SLC6A7: variants seen among roughly 807,000 people sequenced by gnomAD.
The protein encoded by SLC6A7 is solute carrier family 6 member 7.
A neutral mutation model predicts 73.1 loss-of-function variants in SLC6A7; 58 were observed. The ratio of observed to expected loss-of-function variants is 0.79; its 90% CI spans 0.64 to 0.99. The LOEUF is 0.99. SLC6A7 is among the 50% of genes least tolerant of loss of function. SLC6A7 has a pLI of 0.00. For missense variants in SLC6A7, 783 were observed against 831.4 expected, an observed-to-expected ratio of 0.94 and a Z score of 0.72; for synonymous variants, 338 against 338.7, an observed-to-expected ratio of 1.00 and a Z score of 0.02.
Position 150,194,748 on chromosome 5 carries a change from G to A in SLC6A7, c.54G>A (p.Leu18=). The A allele has an allele frequency of 6.2e-7, 1 of 1,613,982 alleles. No homozygotes were observed. The highest frequency in any genetic ancestry group is 8.5e-7 in the Non-Finnish European group (1 of 1,179,966). The change falls in exon 2 of 14, where the codon CTG becomes CTA. Residue 18 remains leucine, a synonymous_variant. Coordinates refer to ENST00000230671, the MANE Select transcript of SLC6A7 (RefSeq NM_014228.5). ...GGCAGCCTGTCACCCCAGACCTGCT[G>A]ATGACCCCCAGTGACCAGGGCGATG... ...HLRKPVTPDL[L]MTPSDQGDVD...
intron 5 of SLC6A7, among the ~76,000 whole-genome samples, chr5:150,200,822 G>A (rs1753340433): frequency 6.6e-6 from 1 of 152,210 alleles, no homozygotes; most frequent in South Asian, 2.1e-4. Flanking sequence ...CAGGGGCAGG[G>A]AGTGGACACG....
chr5:150,203,102 G>T (rs1192761868), intron 8 of SLC6A7, among the ~76,000 whole-genome samples: 1 of 151,750 alleles, frequency 6.6e-6, no homozygotes, highest in African/African-American at 2.4e-5. Context: ...TTGTGGATGG[G>T]TATGTCATGT....
intron 8 of SLC6A7, among the ~76,000 whole-genome samples, chr5:150,202,955 AT>A (rs1388045782): frequency 2.0e-5 from 3 of 152,064 alleles, no homozygotes; most frequent in Non-Finnish European, 4.4e-5. Context: ...CATGCCTGTA[AT>A]CCCAGTACTC....
chr5:150,194,674 T>A (rs1752932402), intron 1 of SLC6A7, 54 bp from the exon 2 acceptor site: 3 of 1,385,214 alleles, frequency 2.2e-6, no homozygotes, highest in African/African-American at 1.4e-5. Context: ...GAGGTCACAT[T>A]TCTGGCCTGG....
chr5:150,210,672 G>C lies in SLC6A7; in HGVS notation c.*1057G>C, dbSNP rs758958310. Reference sequence around the variant, plus strand: ...CTCTCTTCCCATCTCCCTTGTCCTGGTGGCCTTCAGTGTCTCTTCCAGTTC... The same window carrying C: ...CTCTCTTCCCATCTCCCTTGTCCTGCTGGCCTTCAGTGTCTCTTCCAGTTC... On this transcript the variant is annotated 3_prime_UTR_variant, in exon 14 of 14. Coordinates refer to ENST00000230671, the MANE Select transcript of SLC6A7 (RefSeq NM_014228.5). The C allele has an allele frequency of 6.6e-6, 1 of 152,408 alleles. No homozygotes were observed. Among genetic ancestry groups the C allele is most frequent in the South Asian group, 2.1e-4 (1 of 4,834 alleles). 9.4% of individuals were successfully genotyped at this position (152,408 alleles called of 1,614,324 possible).
intron 4 of SLC6A7, among the ~76,000 whole-genome samples, chr5:150,198,105 AAGAAAGAAAGAG>A (rs755538215): frequency 0.011 from 1,122 of 103,302 alleles, 36 homozygotes; most frequent in African/African-American, 0.036. Context: ...GAAAGAAAGA[AAGAAAGAAAGAG>A]AAAGAAAGAA....
At position 150,209,840 on chromosome 5, in the gene SLC6A7, T is replaced by C. The variant is rs1753885793; in HGVS notation, c.*225T>C. 3.5e-6 allele frequency: 2 copies of C among 575,126 alleles called. No homozygotes were observed. The highest frequency in any genetic ancestry group is 6.3e-6 in the Non-Finnish European group (2 of 319,504). The allele number at this position is 575,126 out of a possible 1,614,324, so 35.6% of individuals were successfully genotyped here. A position where few individuals can be genotyped will look rare whatever the true frequency, so the allele number is the denominator to read the frequency against. ...AGGCATACTCAGACCCACTCAAAGC[T>C]GAGAATGATCCAACTCAGCCCTACT... On this transcript the variant is annotated 3_prime_UTR_variant, in exon 14 of 14. Coordinates refer to ENST00000230671, the MANE Select transcript of SLC6A7 (RefSeq NM_014228.5).
At chr5:150,197,512 G>T (rs1753096330) in intron 4 of SLC6A7, among the ~76,000 whole-genome samples, 2 of 152,216 alleles carry the variant, frequency 1.3e-5, no homozygotes, top group Non-Finnish European at 2.9e-5. Context: ...AGGTATCTCA[G>T]AAAGGTTGTT....
In SLC6A7 at chr5:150,202,608, C is replaced by T; in HGVS notation, c.992C>T (p.Ala331Val). ...ACTTTCATCGTCACTCTGGGCAACG[C>T]CATCACCAGCATCCTGGCTGGCTTT... ...RDTFIVTLGN[A>V]ITSILAGFAI... The change falls in exon 8 of 14, where the codon GCC becomes GTC. Residue 331 changes from alanine (A) to valine (V), a missense_variant. Transcript: ENST00000230671. The T allele has an allele frequency of 6.2e-7, 1 of 1,614,252 alleles. No individual in the cohort carries two copies. Among genetic ancestry groups the T allele is most frequent in the Non-Finnish European group, 8.5e-7 (1 of 1,180,036 alleles).
At chr5:150,200,865 G>A (rs1429150247) in intron 5 of SLC6A7, among the ~76,000 whole-genome samples, 5 of 152,124 alleles carry the variant, frequency 3.3e-5, no homozygotes, top group East Asian at 1.9e-4. Context: ...CAACAATGGC[G>A]GCCTGGACCA....
rs924500214 is a variant in SLC6A7, at chr5:150,210,752, T to A, written c.*1137T>A. ...GTTGGTGACAGGGCAACCATGGGAC[T>A]AGGAGGTGGCCCATACACATGGCTG... is the stretch of plus-strand genomic sequence containing the variant. On this transcript the variant is annotated 3_prime_UTR_variant, in exon 14 of 14. Coordinates refer to ENST00000230671, the MANE Select transcript of SLC6A7 (RefSeq NM_014228.5). 3 of 152,368 alleles carry A rather than the reference T, an allele frequency of 2.0e-5. No homozygotes were observed. Among genetic ancestry groups the A allele is most frequent in the African/African-American group, 7.2e-5 (3 of 41,452 alleles). 9.4% of individuals were successfully genotyped at this position (152,368 alleles called of 1,614,324 possible). A position where few individuals can be genotyped will look rare whatever the true frequency, so the allele number is the denominator to read the frequency against.
intron 1 of SLC6A7, among the ~76,000 whole-genome samples, chr5:150,190,965 G>A (rs1752756147): frequency 6.6e-6 from 1 of 152,208 alleles, no homozygotes. Flanking sequence ...GAAGATGGAA[G>A]CTGGTATGGG....
In SLC6A7 at chr5:150,201,138, T is replaced by C; in HGVS notation, c.773T>C (p.Leu258Pro). ...CCCTACCTCATCCTGCTCATGCTGC[T>C]GGTCCGCGGAGTCACCCTCCCAGGG... The part of the protein sequence containing the change: ...TFPYLILLML[L>P]VRGVTLPGAW... The change falls in exon 6 of 14, where the codon CTG becomes CCG. Residue 258 changes from leucine (L) to proline (P), a missense_variant. Transcript: ENST00000230671. 1 of 1,613,898 alleles carries C rather than the reference T, an allele frequency of 6.2e-7. No individual in the cohort carries two copies. Among genetic ancestry groups the C allele is most frequent in the South Asian group, 1.1e-5 (1 of 91,072 alleles).
chr5:150,205,572 C>T lies in SLC6A7; in HGVS notation c.1650C>T (p.Ile550=), dbSNP rs376947497. Residue 550 remains isoleucine, a synonymous_variant, in exon 13 of 14, where the codon ATC becomes ATT. Coordinates refer to ENST00000230671, the MANE Select transcript of SLC6A7 (RefSeq NM_014228.5). ...TGGGCCTGCTGTCCTGCCTCATGAT[C>T]CCAGCTGGCATGCTGGTGGCTGTGC... The part of the protein sequence containing the change: ...ILMGLLSCLM[I]PAGMLVAVLR... The T allele has an allele frequency of 2.4e-5, 38 of 1,613,502 alleles. No individual in the cohort carries two copies. Among genetic ancestry groups the T allele is most frequent in the Non-Finnish European group, 3.2e-5 (38 of 1,179,828 alleles).
Position 150,204,621 on chromosome 5 carries a change from A to C in SLC6A7, c.1422A>C (p.Thr474=), listed in dbSNP as rs1753581950. The change falls in exon 11 of 14, where the codon ACA becomes ACC. Residue 474 remains threonine, a synonymous_variant. Coordinates refer to ENST00000230671, the MANE Select transcript of SLC6A7 (RefSeq NM_014228.5). ...TTATCACCACGTGCCTTGCCGTGAC[A>C]CGGGTGTATGGTGAGAAGAGCCGTG... The part of the protein sequence containing the change: ...VVVITTCLAV[T]RVYGIQRFCR... 6.2e-7 allele frequency: 1 copy of C among 1,610,620 alleles called. No homozygotes were observed. Among genetic ancestry groups the C allele is most frequent in the Non-Finnish European group, 8.5e-7 (1 of 1,176,786 alleles).
chr5:150,195,655 G>A (rs992984437), intron 2 of SLC6A7, among the ~76,000 whole-genome samples: 1 of 152,220 alleles, frequency 6.6e-6, no homozygotes, highest in African/African-American at 2.4e-5. Context: ...CTCCTCCCTA[G>A]CCAGTGTGCT....
Position 150,204,615 on chromosome 5 carries a change from C to T in SLC6A7, c.1416C>T (p.Ala472=), listed in dbSNP as rs769362671. 1.1e-5 allele frequency: 17 copies of T among 1,612,364 alleles called. No homozygotes were observed. The highest frequency in any genetic ancestry group is 7.7e-5 in the South Asian group (7 of 91,050). Residue 472 remains alanine (A), a synonymous_variant, in exon 11 of 14, where the codon GCC becomes GCT. Transcript: ENST00000230671. ...TGGTGGTTATCACCACGTGCCTTGC[C>T]GTGACACGGGTGTATGGTGAGAAGA... The part of the protein sequence containing the change: ...LMVVVITTCL[A]VTRVYGIQRF...
intron 4 of SLC6A7, 83 bp from the exon 5 acceptor site, chr5:150,199,144 CT>C: frequency 4.7e-6 from 7 of 1,481,634 alleles, no homozygotes; most frequent in Non-Finnish European, 6.3e-6. Context: ...GCAGTAGAGC[CT>C]TGTGGGCTGG....
chr5:150,204,871 A>G lies in SLC6A7; in HGVS notation c.1477A>G (p.Lys493Glu). ...AGACATCCACATGATGCTGGGCTTCAAGCCGGGCCTCTACTTCAGGGCCTG... is the reference window on the plus strand; with the variant it reads ...AGACATCCACATGATGCTGGGCTTCGAGCCGGGCCTCTACTTCAGGGCCTG... ...CRDIHMMLGF[K>E]PGLYFRACWL... Residue 493 changes from lysine (K) to glutamate (E), a missense_variant, in exon 12 of 14, where the codon AAG becomes GAG. Transcript: ENST00000230671. 1 of 1,612,990 alleles carries G rather than the reference A, an allele frequency of 6.2e-7. No homozygotes were observed. The highest frequency in any genetic ancestry group is 8.5e-7 in the Non-Finnish European group (1 of 1,179,302).
Sources: gnomAD v4.1 joint callset for allele counts (sites outside exome capture counted in the v4.1 genomes callset) on GRCh38, gnomAD v4.1.1 for gene constraint, MANE v1.5 for transcripts, NCBI Gene and HGNC (gene_info 2026-07-23, HGNC 2026-07-21) for gene names.